DIAPH2: variants seen among roughly 807,000 people sequenced by gnomAD.
DIAPH2 encodes the protein diaphanous related formin 2.
A neutral mutation model predicts 92.7 loss-of-function variants in DIAPH2; 35 were observed. That is an observed-to-expected ratio of 0.38 (90% CI 0.29 to 0.50). DIAPH2 has a LOEUF of 0.50. Ranked by LOEUF, DIAPH2 falls within the 20% of genes least tolerant of loss-of-function variation. DIAPH2 has a pLI of 0.94. For synonymous variants in DIAPH2, 301 were observed against 280.4 expected, an observed-to-expected ratio of 1.07 and a Z score of -0.73; for missense variants, 701 against 819.5, an observed-to-expected ratio of 0.86 and a Z score of 1.77.
intron 23 of DIAPH2, among the ~76,000 whole-genome samples, chrX:97,339,542 C>T (rs776365148): frequency 1.8e-5 from 2 of 110,883 alleles, no homozygotes; most frequent in African/African-American, 6.5e-5. Context: ...AATAAAAATG[C>T]GTTGTGGGAC....
intron 24 of DIAPH2, among the ~76,000 whole-genome samples, chrX:97,356,795 TA>T (rs760858204): frequency 8.2e-5 from 9 of 109,632 alleles, no homozygotes; most frequent in African/African-American, 2.0e-4. Context: ...CCTAACATGA[TA>T]AAAAAAAATA....
chrX:97,073,423 C>G (rs1159524364), intron 18 of DIAPH2, among the ~76,000 whole-genome samples: 1 of 111,900 alleles, frequency 8.9e-6, no homozygotes, highest in Non-Finnish European at 1.9e-5. Context: ...CCTTCTACTG[C>G]TATTCCTTTA....
chrX:96,885,160 T>G, intron 5 of DIAPH2: 1 of 1,005,724 alleles, frequency 9.9e-7, no homozygotes, highest in Non-Finnish European at 1.4e-6. Context: ...AATTTTGACC[T>G]GTTGACTTTT....
chrX:97,300,617 TAAAAA>T (rs11325055), intron 23 of DIAPH2, among the ~76,000 whole-genome samples: 1 of 88,551 alleles, frequency 1.1e-5, no homozygotes, highest in Admixed American at 1.4e-4. Context: ...AAAGCTTATT[TAAAAA>T]AAAAAAAAAA....
In DIAPH2 at chrX:96,967,506, G is replaced by A. The variant is rs778702406; in HGVS notation, c.2050+2299G>A. Reference sequence around the variant, plus strand: ...GCGATCTTGGCTCACTGCAACCTCCGCCTCCCGAGTTCAAGCAATTCTCCT... The same window carrying A: ...GCGATCTTGGCTCACTGCAACCTCCACCTCCCGAGTTCAAGCAATTCTCCT... On this transcript the variant is annotated intron_variant, in intron 17 of 26. Coordinates refer to ENST00000324765, the MANE Select transcript of DIAPH2 (RefSeq NM_006729.5). 8.2e-5 allele frequency among the ~76,000 whole-genome samples: 9 copies of A among 109,440 alleles called. No individual in the cohort carries two copies. In the East Asian group the frequency reaches 1.4e-3, roughly 17 times the overall value.
At chrX:97,554,970 C>A (rs902855733) in intron 26 of DIAPH2, among the ~76,000 whole-genome samples, 18 of 111,031 alleles carry the variant, frequency 1.6e-4, no homozygotes, top group African/African-American at 4.9e-4. Flanking sequence ...TAATAGACAT[C>A]TCTCAACAAG....
chrX:96,898,977 A>G (rs916571776), intron 5 of DIAPH2, among the ~76,000 whole-genome samples: 1 of 108,975 alleles, frequency 9.2e-6, no homozygotes, highest in Non-Finnish European at 1.9e-5. Flanking sequence ...CATTTATTAA[A>G]TAGGGAATCC....
intron 4 of DIAPH2, among the ~76,000 whole-genome samples, chrX:96,868,028 A>G (rs1051244934): frequency 4.5e-5 from 5 of 112,206 alleles, no homozygotes; most frequent in Middle Eastern, 4.6e-3. Flanking sequence ...TAAATTGCCA[A>G]TTACAATGTG....
intron 25 of DIAPH2, among the ~76,000 whole-genome samples, chrX:97,410,275 G>T (rs1213980168): frequency 8.9e-6 from 1 of 112,175 alleles, no homozygotes; most frequent in Non-Finnish European, 1.9e-5. Context: ...ACAGGGTCTG[G>T]AGTGGACTTC....
rs147138913 is a variant in DIAPH2, at chrX:97,126,875, G to A, written c.2589+11910G>A. On this transcript the variant is annotated intron_variant, in intron 21 of 26. Coordinates refer to ENST00000324765, the MANE Select transcript of DIAPH2 (RefSeq NM_006729.5). ...TTCAGTTTTGCTTTTCCTGCCTTCC[G>A]TCATGGGGACAAGCACAAAGCCTTG... is the stretch of plus-strand genomic sequence containing the variant. Among the ~76,000 whole-genome samples, 509 of 112,088 alleles carry A rather than the reference G, an allele frequency of 4.5e-3. 1 individual carries two copies. Among genetic ancestry groups the A allele is most frequent in the African/African-American group, 0.016 (481 of 30,869 alleles).
At chrX:97,442,491 A>G (rs193175980) in intron 26 of DIAPH2, among the ~76,000 whole-genome samples, 2 of 112,921 alleles carry the variant, frequency 1.8e-5, no homozygotes, top group East Asian at 2.8e-4. Flanking sequence ...AAGTGCTTTT[A>G]CAACTAAAGG....
intron 5 of DIAPH2, among the ~76,000 whole-genome samples, chrX:96,894,647 T>C (rs952513130): frequency 9.0e-6 from 1 of 111,723 alleles, no homozygotes; most frequent in African/African-American, 3.3e-5. Context: ...TGATATGCTT[T>C]GGATCTTCAA....
At chrX:97,106,333 A>T (rs941338494) in intron 20 of DIAPH2, among the ~76,000 whole-genome samples, 4 of 111,442 alleles carry the variant, frequency 3.6e-5, no homozygotes, top group Admixed American at 1.9e-4. Context: ...AGCTGGTTTA[A>T]TAATTTTGAG....
At chrX:97,221,312 A>G (rs1354771157) in intron 22 of DIAPH2, among the ~76,000 whole-genome samples, 3 of 111,927 alleles carry the variant, frequency 2.7e-5, no homozygotes, top group Non-Finnish European at 5.6e-5. Flanking sequence ...TGAAGCAAAA[A>G]CGTATTGTGT....
intron 23 of DIAPH2, among the ~76,000 whole-genome samples, chrX:97,314,119 T>C (rs1398724681): frequency 3.7e-5 from 4 of 108,762 alleles, no homozygotes; most frequent in Non-Finnish European, 7.6e-5. Context: ...TATTAAGATA[T>C]AAGGCCAGGC....
intron 17 of DIAPH2, among the ~76,000 whole-genome samples, chrX:97,021,263 T>C (rs973631453): frequency 1.3e-4 from 14 of 111,647 alleles, no homozygotes; most frequent in Non-Finnish European, 2.6e-4. Flanking sequence ...AGTGGCACGA[T>C]TACAGCTCAC....
intron 4 of DIAPH2, among the ~76,000 whole-genome samples, chrX:96,825,538 A>G (rs2064810158): frequency 9.0e-6 from 1 of 110,673 alleles, no homozygotes; most frequent in South Asian, 3.9e-4. Context: ...AAGTCAGTTT[A>G]TCAAAAATCT....
intron 26 of DIAPH2, among the ~76,000 whole-genome samples, chrX:97,510,259 GTGA>G (rs1191843139): frequency 1.8e-5 from 2 of 111,285 alleles, no homozygotes; most frequent in African/African-American, 6.6e-5. Flanking sequence ...CTGATGGCCA[GTGA>G]TGATGAGCAT....
chrX:97,063,286 T>A (rs1429367332), intron 17 of DIAPH2, among the ~76,000 whole-genome samples: 1 of 110,670 alleles, frequency 9.0e-6, no homozygotes, highest in Non-Finnish European at 1.9e-5. Flanking sequence ...CAGTAATATT[T>A]TTATGTGCAT....
Sources: gnomAD v4.1 joint callset for allele counts (sites outside exome capture counted in the v4.1 genomes callset) on GRCh38, gnomAD v4.1.1 for gene constraint, MANE v1.5 for transcripts, NCBI Gene and HGNC (gene_info 2026-07-23, HGNC 2026-07-21) for gene names.